RIMS2: variants seen among roughly 807,000 people sequenced by gnomAD.
RIMS2 encodes the protein regulating synaptic membrane exocytosis protein 2.
RIMS2 carries 59 observed loss-of-function variants against 174.4 expected under a neutral mutation model. The ratio of observed to expected loss-of-function variants is 0.34; its 90% CI spans 0.27 to 0.42. RIMS2 has a LOEUF of 0.42. Ranked by LOEUF, RIMS2 falls within the 10% of genes least tolerant of loss-of-function variation. The pLI is 1.00. For synonymous variants in RIMS2, 606 were observed against 572.5 expected (o/e 1.06, Z -0.84); for missense variants, 1,620 against 1,666.3 (o/e 0.97, Z 0.48).
chr8:104,083,048 C>T (rs1335395308), intron 19 of RIMS2, among the ~76,000 whole-genome samples: 1 of 152,140 alleles, frequency 6.6e-6, no homozygotes, highest in Non-Finnish European at 1.5e-5. Context: ...CCCAAATGGT[C>T]TTTCTGTAAG....
chr8:103,910,525 A>G, intron 5 of RIMS2: 2 of 1,582,966 alleles, frequency 1.3e-6, no homozygotes, highest in Non-Finnish European at 1.7e-6. Flanking sequence ...AGCCATAGTG[A>G]TAAGGTACTG....
At chr8:103,822,371 T>G (rs1359812606) in intron 3 of RIMS2, among the ~76,000 whole-genome samples, 1 of 151,794 alleles carries the variant, frequency 6.6e-6, no homozygotes, top group African/African-American at 2.4e-5. Flanking sequence ...CAGAAACATT[T>G]CCAAGTTCAA....
Position 103,519,998 on chromosome 8 carries a change from T to G in RIMS2, c.176+18936T>G, listed in dbSNP as rs189031615. Reference sequence around the variant, plus strand: ...TTTTCCTTCTAATCCTGTGTTTACTTAGCTAGTTCAAGGAGTCAAGGCAGT... The same window carrying G: ...TTTTCCTTCTAATCCTGTGTTTACTGAGCTAGTTCAAGGAGTCAAGGCAGT... On this transcript the variant is annotated intron_variant, in intron 1 of 23. Coordinates refer to ENST00000504942, the Ensembl canonical transcript of RIMS2. Among the ~76,000 whole-genome samples the G allele has an allele frequency of 3.6e-3, 545 of 152,174 alleles. 3 individuals carry two copies. The highest frequency in any genetic ancestry group is 0.013 in the African/African-American group (526 of 41,540).
intron 1 of RIMS2, among the ~76,000 whole-genome samples, chr8:103,613,069 C>T (rs1004764345): frequency 6.6e-6 from 1 of 152,136 alleles, no homozygotes; most frequent in African/African-American, 2.4e-5. Flanking sequence ...ACTCAAACCC[C>T]TAGGGCTCTA....
At chr8:103,969,000 T>G (rs2092523530) in intron 15 of RIMS2, among the ~76,000 whole-genome samples, 2 of 152,116 alleles carry the variant, frequency 1.3e-5, no homozygotes, top group Admixed American at 6.5e-5. Flanking sequence ...GGTTGGTGGT[T>G]TTTTTCTTCC....
chr8:103,668,312 C>T (rs2096700435), intron 1 of RIMS2, among the ~76,000 whole-genome samples: 2 of 152,138 alleles, frequency 1.3e-5, no homozygotes, highest in Non-Finnish European at 2.9e-5. Context: ...AAACAAGTAC[C>T]TTTATCACTA....
intron 19 of RIMS2, among the ~76,000 whole-genome samples, chr8:104,238,502 A>T (rs1382845716): frequency 6.6e-6 from 1 of 152,114 alleles, no homozygotes; most frequent in African/African-American, 2.4e-5. Flanking sequence ...GAGAGAAGTC[A>T]TGTCCACAGA....
At chr8:103,547,195 A>C (rs1845517296) in intron 1 of RIMS2, among the ~76,000 whole-genome samples, 1 of 152,232 alleles carries the variant, frequency 6.6e-6, no homozygotes, top group South Asian at 2.1e-4. Flanking sequence ...GTAAATTAAG[A>C]AAGAAAAAGT....
chr8:103,920,205 C>A (rs1345330656), intron 9 of RIMS2, among the ~76,000 whole-genome samples: 5 of 152,094 alleles, frequency 3.3e-5, no homozygotes, highest in African/African-American at 1.2e-4. Context: ...CTGTCCTTAA[C>A]CCTCTTTATT....
intron 2 of RIMS2, among the ~76,000 whole-genome samples, chr8:103,732,087 C>T (rs921231508): frequency 4.6e-5 from 7 of 152,218 alleles, no homozygotes; most frequent in African/African-American, 1.7e-4. Context: ...GGTAGGTTTT[C>T]CATGTATTCA....
At chr8:104,043,813 A>G (rs1023051317) in intron 19 of RIMS2, among the ~76,000 whole-genome samples, 92 of 151,790 alleles carry the variant, frequency 6.1e-4, no homozygotes, top group African/African-American at 2.1e-3. Flanking sequence ...TAAAGCTACA[A>G]ATTTTGATGC....
intron 1 of RIMS2, among the ~76,000 whole-genome samples, chr8:103,553,532 C>G (rs998483980): frequency 6.6e-6 from 1 of 151,984 alleles, no homozygotes; most frequent in Non-Finnish European, 1.5e-5. Context: ...ACCAACATGG[C>G]ACATATATAC....
chr8:103,535,241 A>G (rs10505044), intron 1 of RIMS2, among the ~76,000 whole-genome samples: 27,721 of 152,170 alleles, frequency 0.18, 2,775 homozygotes, highest in African/African-American at 0.26. Context: ...AAGTAGAGTA[A>G]GTTTGGAGGA....
intron 1 of RIMS2, among the ~76,000 whole-genome samples, chr8:103,520,269 T>C (rs1288119600): frequency 6.6e-6 from 1 of 152,158 alleles, no homozygotes; most frequent in African/African-American, 2.4e-5. Flanking sequence ...TTTAGGCTAC[T>C]TTTTCTGCTG....
chr8:103,543,569 C>T (rs1327490933), intron 1 of RIMS2, among the ~76,000 whole-genome samples: 5 of 152,190 alleles, frequency 3.3e-5, no homozygotes, highest in Admixed American at 2.6e-4. Context: ...GCAAAAAGAA[C>T]AAAGCTGGGG....
intron 19 of RIMS2, among the ~76,000 whole-genome samples, chr8:104,107,401 A>G (rs1025844652): frequency 2.0e-5 from 3 of 152,102 alleles, no homozygotes; most frequent in African/African-American, 4.8e-5. Context: ...TTAATCTATC[A>G]TGGTTGATTA....
intron 2 of RIMS2, among the ~76,000 whole-genome samples, chr8:103,736,509 A>G (rs1204509188): frequency 6.6e-6 from 1 of 152,104 alleles, no homozygotes; most frequent in Non-Finnish European, 1.5e-5. Flanking sequence ...ACACAAAACT[A>G]TATTCTGGTA....
At chr8:103,939,282 C>G (rs2082003981) in intron 13 of RIMS2, among the ~76,000 whole-genome samples, 1 of 152,318 alleles carries the variant, frequency 6.6e-6, no homozygotes, top group South Asian at 2.1e-4. Flanking sequence ...TCCCAAATCC[C>G]AATTCTTGAC....
intron 16 of RIMS2, among the ~76,000 whole-genome samples, chr8:103,985,464 A>G (rs140291972): frequency 0.13 from 16,801 of 128,836 alleles, 1,455 homozygotes; most frequent in Non-Finnish European, 0.19. Flanking sequence ...ACAAAGCAAG[A>G]CTCTGTCTCA....
Sources: allele counts gnomAD v4.1 joint callset (sites outside exome capture counted in the v4.1 genomes callset), GRCh38; gene constraint gnomAD v4.1.1; transcripts MANE v1.5; gene names NCBI Gene and HGNC (gene_info 2026-07-23, HGNC 2026-07-21).